SSH2: variants seen among roughly 807,000 people sequenced by gnomAD.
SSH2 encodes the protein protein phosphatase Slingshot homolog 2.
SSH2 carries 37 observed loss-of-function variants against 135.2 expected under a neutral mutation model. That is an observed-to-expected ratio of 0.27 (90% CI 0.21 to 0.36). The LOEUF (loss-of-function observed/expected upper bound fraction) is 0.36. Ranked by LOEUF, SSH2 falls within the 10% of genes least tolerant of loss-of-function variation. SSH2 has a pLI of 1.00. For synonymous variants in SSH2, 628 were observed against 646.2 expected (o/e 0.97, Z 0.43); for missense variants, 1,408 against 1,765.3 (o/e 0.80, Z 3.63).
In SSH2 at chr17:29,846,452, G is replaced by A. The variant is rs558686718; in HGVS notation, c.144+2397C>T. Among the ~76,000 whole-genome samples the A allele has an allele frequency of 7.2e-5, 11 of 152,308 alleles. No homozygotes were observed. The South Asian group carries it at 2.1e-3, about 29-fold the overall frequency. ...TCAGCTGAGATTTCATGTCAGCACT[G>A]CTCCTGCTTATCACACAACACTGGA... On this transcript the variant is annotated intron_variant, in intron 2 of 15. Transcript: ENST00000540801.
chr17:29,771,431 CT>C (rs931425515), intron 3 of SSH2, among the ~76,000 whole-genome samples: 1 of 152,186 alleles, frequency 6.6e-6, no homozygotes, highest in African/African-American at 2.4e-5. Context: ...GATATATCAT[CT>C]TTCTTTCACA....
intron 8 of SSH2, among the ~76,000 whole-genome samples, 160 bp from the exon 9 acceptor site, chr17:29,672,289 T>C (rs2037526994): frequency 6.6e-6 from 1 of 152,184 alleles, no homozygotes; most frequent in South Asian, 2.1e-4. Context: ...GATTATACCA[T>C]ATTATCTATC....
chr17:29,652,148 C>T (rs1294298465), intron 12 of SSH2, among the ~76,000 whole-genome samples: 3 of 149,454 alleles, frequency 2.0e-5, no homozygotes, highest in African/African-American at 4.9e-5. Flanking sequence ...GTCTCAAAAA[C>T]AAAAAAAAAG....
chr17:29,716,538 CT>C, intron 3 of SSH2: 1 of 721,974 alleles, frequency 1.4e-6, no homozygotes, highest in South Asian at 1.3e-5. Flanking sequence ...TGGGGCATTC[CT>C]TTTTGAACAG....
chr17:29,770,110 T>TG (rs1567963185), intron 3 of SSH2, among the ~76,000 whole-genome samples: 9 of 149,430 alleles, frequency 6.0e-5, no homozygotes, highest in East Asian at 3.9e-4. Context: ...TTTTTTTTTT[T>TG]TTTTTTTTTA....
intron 11 of SSH2, among the ~76,000 whole-genome samples, chr17:29,661,874 C>A (rs1185368645): frequency 6.6e-6 from 1 of 152,174 alleles, no homozygotes; most frequent in Admixed American, 6.5e-5. Context: ...TACTGACTCA[C>A]TGAAGCCCAT....
intron 13 of SSH2, among the ~76,000 whole-genome samples, chr17:29,649,811 CTT>C (rs1163254159): frequency 6.6e-6 from 1 of 152,132 alleles, no homozygotes; most frequent in Non-Finnish European, 1.5e-5. Flanking sequence ...ATAAAACACT[CTT>C]TTAGGTACTT....
Position 29,696,589 on chromosome 17 carries a change from ACT to A in SSH2, c.293-1068_293-1067del, listed in dbSNP as rs537097053. Among the ~76,000 whole-genome samples the A allele has an allele frequency of 7.6e-5, 11 of 144,232 alleles. No homozygotes were observed. The South Asian group carries it at 1.8e-3, about 24-fold the overall frequency. The allele number at this position is 144,232 out of a possible 152,430, so 94.6% of individuals were successfully genotyped here. A position where few individuals can be genotyped will look rare whatever the true frequency, so the allele number is the denominator to read the frequency against. ...ACTCCAGCCTGGGCGACACAGCGAG[ACT>A]CTGTCTCAAAAACATATATACATAT... is the stretch of plus-strand genomic sequence containing the variant. On this transcript the variant is annotated intron_variant, in intron 4 of 15. Transcript: ENST00000540801.
At chr17:29,838,857 C>T (rs181820345) in intron 2 of SSH2, 21 of 184,666 alleles carry the variant, frequency 1.1e-4, no homozygotes, top group Admixed American at 3.8e-4. Context: ...GACAAGAATT[C>T]GGGACCTGCC....
At chr17:29,747,879 C>T (rs1056523702) in intron 3 of SSH2, among the ~76,000 whole-genome samples, 2 of 152,162 alleles carry the variant, frequency 1.3e-5, no homozygotes, top group Non-Finnish European at 2.9e-5. Flanking sequence ...TCTATTATTG[C>T]GAGACCCAAC....
In SSH2 at chr17:29,736,960, A is replaced by G. The variant is rs1432526566; in HGVS notation, c.189-33898T>C. Among the ~76,000 whole-genome samples the G allele has an allele frequency of 4.7e-5, 7 of 150,156 alleles. 1 individual carries two copies. The highest frequency in any genetic ancestry group is 4.0e-4 in the Admixed American group (6 of 15,012). ...TAAAAATACAAAAAATTAGCTGGGC[A>G]TGGGGGTGGGCGCCTGTAGTCCCAG... On this transcript the variant is annotated intron_variant, in intron 3 of 15. Transcript: ENST00000540801.
chr17:29,773,042 C>CATCT (rs2041621300), intron 3 of SSH2, among the ~76,000 whole-genome samples: 3 of 151,506 alleles, frequency 2.0e-5, no homozygotes, highest in Non-Finnish European at 4.4e-5. Flanking sequence ...TCCATCCATC[C>CATCT]ATCCATCCAT....
At chr17:29,648,917 G>A (rs2036483928) in intron 13 of SSH2, among the ~76,000 whole-genome samples, 1 of 152,156 alleles carries the variant, frequency 6.6e-6, no homozygotes, top group Non-Finnish European at 1.5e-5. Context: ...GAGGCAGGTG[G>A]ATCACGAGGT....
At chr17:29,888,560 TAG>T (rs2066283809) in intron 1 of SSH2, among the ~76,000 whole-genome samples, 1 of 152,146 alleles carries the variant, frequency 6.6e-6, no homozygotes, top group African/African-American at 2.4e-5. Context: ...GTAATTTTTA[TAG>T]ACCAAATATT....
At chr17:29,902,224 T>C (rs755484049) in intron 1 of SSH2, among the ~76,000 whole-genome samples, 2 of 152,224 alleles carry the variant, frequency 1.3e-5, no homozygotes, top group Non-Finnish European at 2.9e-5. Flanking sequence ...TTTAATATGC[T>C]GTAAGGTCTC....
chr17:29,868,489 G>C (rs2065889999), intron 1 of SSH2, among the ~76,000 whole-genome samples: 1 of 152,130 alleles, frequency 6.6e-6, no homozygotes, highest in East Asian at 1.9e-4. Context: ...TGTAATCCTA[G>C]CAGTTTGGGA....
At chr17:29,677,485 G>A (rs1476444067) in intron 7 of SSH2, among the ~76,000 whole-genome samples, 188 bp downstream of exon 7, 1 of 152,178 alleles carries the variant, frequency 6.6e-6, no homozygotes, top group African/African-American at 2.4e-5. Context: ...AAGAACAGAA[G>A]TGAGAGACCC....
intron 5 of SSH2, among the ~76,000 whole-genome samples, chr17:29,692,166 T>TAA (rs11346647): frequency 6.9e-6 from 1 of 145,440 alleles, no homozygotes. Context: ...AAATAAAAAA[T>TAA]AAAAAAAAAA....
At chr17:29,744,860 A>AGT (rs71689248) in intron 3 of SSH2, among the ~76,000 whole-genome samples, 21,833 of 140,330 alleles carry the variant, frequency 0.16, 1,722 homozygotes, top group East Asian at 0.23. Flanking sequence ...GGATTACTTG[A>AGT]GTGTGTGTGT....
Sources: allele counts gnomAD v4.1 joint callset (sites outside exome capture counted in the v4.1 genomes callset), GRCh38; gene constraint gnomAD v4.1.1; transcripts MANE v1.5; gene names NCBI Gene and HGNC (gene_info 2026-07-23, HGNC 2026-07-21).